AGBL4: variants seen among roughly 807,000 people sequenced by gnomAD.
AGBL4 encodes the protein AGBL carboxypeptidase 4.
In AGBL4, 58 loss-of-function variants were observed where a neutral mutation model predicts 66.4. The ratio of observed to expected loss-of-function variants is 0.87; its 90% confidence interval spans 0.71 to 1.09. The LOEUF (loss-of-function observed/expected upper bound fraction) is 1.09. AGBL4 is among the 50% of genes least tolerant of loss of function. The probability of loss-of-function intolerance (pLI) is 0.00; values close to 1 mark genes in which losing one functional copy is unlikely to be tolerated. For synonymous variants in AGBL4, 234 were observed against 222.9 expected (o/e 1.05, Z -0.44); for missense variants, 579 against 631.0 (o/e 0.92, Z 0.88).
At chr1:49,228,681 G>A (rs1349007857) in intron 4 of AGBL4, among the ~76,000 whole-genome samples, 1 of 152,192 alleles carries the variant, frequency 6.6e-6, no homozygotes, top group Non-Finnish European at 1.5e-5. Context: ...GAGGTGTGCA[G>A]TGATGTGACT....
In AGBL4 at chr1:49,824,841, A is replaced by T. The variant is rs529952493; in HGVS notation, c.157+26555T>A. ...TGGGTAAAGTCATGGAAAGTGCTAA[A>T]TGCTATCATAAGATGCGTGGGCTTC... On this transcript the variant is annotated intron_variant, in intron 2 of 13. Transcript: ENST00000371839. Among the ~76,000 whole-genome samples, 4 of 152,344 alleles carry T rather than the reference A, an allele frequency of 2.6e-5. No homozygotes were observed. The South Asian group carries it at 8.3e-4, about 32-fold the overall frequency.
At chr1:49,109,064 C>A (rs1056563116) in intron 4 of AGBL4, among the ~76,000 whole-genome samples, 5 of 152,154 alleles carry the variant, frequency 3.3e-5, no homozygotes, top group African/African-American at 1.2e-4. Flanking sequence ...TAAGCACAAC[C>A]TCCTTTTTCA....
intron 9 of AGBL4, among the ~76,000 whole-genome samples, chr1:48,630,973 T>C (rs1645583509): frequency 6.6e-6 from 1 of 152,200 alleles, no homozygotes; most frequent in Non-Finnish European, 1.5e-5. Context: ...CTTTACTCTA[T>C]AAATGCACCT....
chr1:49,552,944 T>A (rs1653086991), intron 3 of AGBL4, among the ~76,000 whole-genome samples: 1 of 152,166 alleles, frequency 6.6e-6, no homozygotes, highest in South Asian at 2.1e-4. Context: ...ATTCACTAAA[T>A]ACCTAATATT....
intron 6 of AGBL4, among the ~76,000 whole-genome samples, chr1:48,828,849 A>C (rs900929528): frequency 2.0e-5 from 3 of 152,182 alleles, no homozygotes; most frequent in African/African-American, 7.2e-5. Flanking sequence ...GTAACTTTAA[A>C]TCTGCTTTAC....
At chr1:48,536,163 T>C (rs1372088071) in intron 12 of AGBL4, among the ~76,000 whole-genome samples, 1 of 152,046 alleles carries the variant, frequency 6.6e-6, no homozygotes, top group African/African-American at 2.4e-5. Flanking sequence ...GAGTTTTGAA[T>C]GATAATTATG....
At chr1:49,261,412 A>T (rs539847317) in intron 3 of AGBL4, among the ~76,000 whole-genome samples, 2 of 152,306 alleles carry the variant, frequency 1.3e-5, no homozygotes, top group South Asian at 4.1e-4. Flanking sequence ...AGAAGACCCC[A>T]TTGGCTCAGC....
chr1:49,508,165 G>T (rs573812844), intron 3 of AGBL4, among the ~76,000 whole-genome samples: 2 of 151,944 alleles, frequency 1.3e-5, no homozygotes, highest in African/African-American at 4.8e-5. Context: ...CTAACAAATA[G>T]ACTGTAAAGT....
intron 6 of AGBL4, among the ~76,000 whole-genome samples, chr1:48,805,255 TCTAA>T (rs1645897693): frequency 6.6e-6 from 1 of 152,148 alleles, no homozygotes; most frequent in Non-Finnish European, 1.5e-5. Flanking sequence ...AGAAATGACA[TCTAA>T]CTAAGTTTCT....
At chr1:49,045,858 G>A (rs763524789) in intron 4 of AGBL4, 58 bp from the exon 5 acceptor site, 9 of 1,386,742 alleles carry the variant, frequency 6.5e-6, no homozygotes, top group Non-Finnish European at 7.9e-6. Flanking sequence ...AGCTTCAAAA[G>A]GTAATACATA....
chr1:48,846,263 A>G (rs898533819), intron 6 of AGBL4, among the ~76,000 whole-genome samples: 1 of 152,040 alleles, frequency 6.6e-6, no homozygotes, highest in Non-Finnish European at 1.5e-5. Context: ...GGTCTGTAGT[A>G]CTGCTACATG....
At chr1:48,534,338 C>T (rs1460535344) in intron 13 of AGBL4, 45 bp from the exon 14 acceptor site, 2 of 1,520,422 alleles carry the variant, frequency 1.3e-6, no homozygotes, top group East Asian at 2.5e-5. Context: ...AGCCCATATA[C>T]ACACTGTGAT....
chr1:48,816,092 T>TGTGG (rs1553238576), intron 6 of AGBL4, among the ~76,000 whole-genome samples: 1 of 110,496 alleles, frequency 9.1e-6, no homozygotes, highest in Admixed American at 1.0e-4. Flanking sequence ...TGTGTGTGTG[T>TGTGG]AGAGAGAAAG....
intron 9 of AGBL4, among the ~76,000 whole-genome samples, chr1:48,597,697 G>A (rs1645014595): frequency 7.1e-6 from 1 of 141,342 alleles, no homozygotes; most frequent in African/African-American, 2.6e-5. Context: ...GGAGAGGAGA[G>A]GAGGGGAGGG....
At chr1:49,082,125 T>C (rs1180095924) in intron 4 of AGBL4, among the ~76,000 whole-genome samples, 1 of 152,224 alleles carries the variant, frequency 6.6e-6, no homozygotes, top group Non-Finnish European at 1.5e-5. Context: ...AAAAACTGCA[T>C]GTAATGGAAC....
chr1:48,926,534 C>A (rs1654589088), intron 5 of AGBL4, among the ~76,000 whole-genome samples: 1 of 151,832 alleles, frequency 6.6e-6, no homozygotes, highest in South Asian at 2.1e-4. Flanking sequence ...ATTGATCCGC[C>A]CACCTCGGAC....
At chr1:49,874,788 A>C (rs1646935442) in intron 1 of AGBL4, among the ~76,000 whole-genome samples, 1 of 151,978 alleles carries the variant, frequency 6.6e-6, no homozygotes, top group Non-Finnish European at 1.5e-5. Flanking sequence ...TTCTCTAACA[A>C]TTTTTGTTAT....
At chr1:49,675,071 T>C (rs1646553177) in intron 3 of AGBL4, among the ~76,000 whole-genome samples, 1 of 152,098 alleles carries the variant, frequency 6.6e-6, no homozygotes, top group Non-Finnish European at 1.5e-5. Flanking sequence ...TCTTGAAGAT[T>C]CTAAGTTTCA....
chr1:48,669,256 G>T (rs1371769511), intron 6 of AGBL4, among the ~76,000 whole-genome samples: 1 of 152,194 alleles, frequency 6.6e-6, no homozygotes. Context: ...ATAAGCAAGA[G>T]ACTTTATATC....
Sources: gnomAD v4.1 joint callset for allele counts (sites outside exome capture counted in the v4.1 genomes callset) on GRCh38, gnomAD v4.1.1 for gene constraint, MANE v1.5 for transcripts, NCBI Gene and HGNC (gene_info 2026-07-23, HGNC 2026-07-21) for gene names.